CERKL: variants seen among roughly 807,000 people sequenced by gnomAD.
CERKL encodes ceramide kinase-like protein.
In CERKL, 61 loss-of-function variants were observed where a neutral mutation model predicts 63.4. That is an observed-to-expected ratio of 0.96 (90% CI 0.78 to 1.19). CERKL has a LOEUF of 1.19. Among genes scored for constraint, CERKL ranks in the 50% most tolerant of loss-of-function variants. The probability of loss-of-function intolerance (pLI) is 0.00; values close to 1 mark genes in which losing one functional copy is unlikely to be tolerated. For missense variants in CERKL, 675 were observed against 655.5 expected (o/e 1.03, Z -0.33); for synonymous variants, 250 against 230.5 (o/e 1.08, Z -0.77).
intron 1 of CERKL, among the ~76,000 whole-genome samples, chr2:181,642,810 GAT>G (rs1405686153): frequency 1.3e-5 from 2 of 152,114 alleles, no homozygotes; most frequent in Admixed American, 6.5e-5. Context: ...TCAGAAATTT[GAT>G]AGAGGATACA....
At chr2:181,646,587 G>C (rs1687682143) in intron 1 of CERKL, among the ~76,000 whole-genome samples, 1 of 152,206 alleles carries the variant, frequency 6.6e-6, no homozygotes, top group Non-Finnish European at 1.5e-5. Context: ...ATACTGACCA[G>C]AAAGCATGTA....
In CERKL at chr2:181,656,649, C is replaced by A. The variant is rs193063646; in HGVS notation, c.238+120G>T. On this transcript the variant is annotated intron_variant, in intron 1 of 12. Transcript: ENST00000410087. ...TAACCTGTCCGGGCAGTGAGGCGAG[C>A]ACGGGGAGGGGAGGCGAGAAAAGGG... is the stretch of plus-strand genomic sequence containing the variant. 7.2e-4 allele frequency: 633 copies of A among 873,820 alleles called. 1 individual carries two copies. Among genetic ancestry groups the A allele is most frequent in the Middle Eastern group, 5.8e-3 (16 of 2,778 alleles). The allele number at this position is 873,820 out of a possible 1,614,324, so 54.1% of individuals were successfully genotyped here. A position where few individuals can be genotyped will look rare whatever the true frequency, so the allele number is the denominator to read the frequency against.
chr2:181,599,656 C>A (rs1240711569), intron 2 of CERKL, among the ~76,000 whole-genome samples: 2 of 151,768 alleles, frequency 1.3e-5, no homozygotes, highest in Non-Finnish European at 2.9e-5. Context: ...GTTAGACAAA[C>A]ATAAAGAATC....
chr2:181,601,202 A>T (rs372497625), intron 2 of CERKL, among the ~76,000 whole-genome samples: 1 of 152,236 alleles, frequency 6.6e-6, no homozygotes, highest in East Asian at 1.9e-4. Flanking sequence ...TGAATACCAG[A>T]ACTACATGGA....
rs1687076235 is a variant in CERKL, at chr2:181,634,109, C to A, written c.238+22660G>T. On this transcript the variant is annotated intron_variant, in intron 1 of 12. Transcript: ENST00000410087. ...GTATTTTTAAAATAACATCCATAGA[C>A]AGCTTCGGTTTCTCTCTGAATTATG... Among the ~76,000 whole-genome samples the A allele has an allele frequency of 6.6e-5, 10 of 152,280 alleles. No individual in the cohort carries two copies. The South Asian group carries it at 2.1e-3, about 32-fold the overall frequency.
Position 181,558,417 on chromosome 2 carries a change from A to G in CERKL, c.820+149T>C, listed in dbSNP as rs35219762. ...GCTCAAAGAGATTAAATGACTTGTC[A>G]AAAGTCTCACATTTGCTAGTGGGGA... is the stretch of plus-strand genomic sequence containing the variant. On this transcript the variant is annotated intron_variant, in intron 5 of 12. Coordinates refer to ENST00000410087, the MANE Select transcript of CERKL (RefSeq NM_201548.5). The surrounding 1 kb of genome is among the most constrained non-coding windows in gnomAD (Gnocchi z 4.2). 10,070 of 809,646 alleles carry G rather than the reference A, an allele frequency of 0.012. 84 individuals are homozygous for G. Among genetic ancestry groups the G allele is most frequent in the Non-Finnish European group, 0.016 (7,872 of 478,008 alleles). The allele number at this position is 809,646 out of a possible 1,614,324, so 50.2% of individuals were successfully genotyped here. A position where few individuals can be genotyped will look rare whatever the true frequency, so the allele number is the denominator to read the frequency against.
intron 4 of CERKL, among the ~76,000 whole-genome samples, chr2:181,560,757 C>A (rs929414361): frequency 6.6e-6 from 1 of 151,966 alleles, no homozygotes; most frequent in African/African-American, 2.4e-5. Flanking sequence ...TATTAGATAC[C>A]TTTTCTATAT....
At chr2:181,599,518 C>CA (rs1685369626) in intron 2 of CERKL, among the ~76,000 whole-genome samples, 1 of 144,940 alleles carries the variant, frequency 6.9e-6, no homozygotes, top group Non-Finnish European at 1.5e-5. Flanking sequence ...GCCTAGGCAA[C>CA]AGAGTGAGAC....
chr2:181,631,846 G>A (rs1350786121), intron 1 of CERKL, among the ~76,000 whole-genome samples: 1 of 152,170 alleles, frequency 6.6e-6, no homozygotes, highest in Non-Finnish European at 1.5e-5. Flanking sequence ...AAGCTGGGCT[G>A]TCACATTTTG....
chr2:181,583,796 G>A (rs1444301760), intron 2 of CERKL, among the ~76,000 whole-genome samples: 1 of 152,148 alleles, frequency 6.6e-6, no homozygotes, highest in Non-Finnish European at 1.5e-5. Context: ...ATGTTGTAAT[G>A]TTACAGTTTA....
intron 1 of CERKL, among the ~76,000 whole-genome samples, chr2:181,640,198 T>C (rs992889433): frequency 2.2e-4 from 33 of 152,268 alleles, no homozygotes; most frequent in African/African-American, 7.5e-4. Context: ...AGTTTGCAAA[T>C]GGTTTAATGT....
chr2:181,576,531 G>A (rs77505409), intron 2 of CERKL, among the ~76,000 whole-genome samples: 291 of 152,280 alleles, frequency 1.9e-3, no homozygotes, highest in African/African-American at 6.5e-3. Flanking sequence ...GATCACCCTC[G>A]AGCCTTACAG....
At chr2:181,609,533 TAA>T (rs869037405) in intron 1 of CERKL, among the ~76,000 whole-genome samples, 44 of 70,226 alleles carry the variant, frequency 6.3e-4, no homozygotes, top group East Asian at 1.5e-3. Context: ...CTGTCTCTAC[TAA>T]AAAAAAAAAA....
chr2:181,566,104 G>T lies in CERKL; in HGVS notation c.631C>A (p.His211Asn), dbSNP rs1407307220. Residue 211 changes from histidine to asparagine, a missense_variant, in exon 4 of 13, where the codon CAC becomes AAC. Physicochemically the swap from His to Asn is moderately conservative, Grantham distance 68 (BLOSUM62 1). Coordinates refer to ENST00000410087, the MANE Select transcript of CERKL (RefSeq NM_201548.5). Reference sequence around the variant, plus strand: ...CATTCCTTAAGCAGTGACAGAGCGTGCCCTTCATATTCCATTACTATTAAA... The same window carrying T: ...CATTCCTTAAGCAGTGACAGAGCGTTCCCTTCATATTCCATTACTATTAAA... ...TDVTIMEYEG[H>N]ALSLLKECEL... 2 of 1,610,726 alleles carry T rather than the reference G, an allele frequency of 1.2e-6. No homozygotes were observed. Among genetic ancestry groups the T allele is most frequent in the Non-Finnish European group, 1.7e-6 (2 of 1,177,346 alleles).
At chr2:181,577,693 G>C (rs1004824121) in intron 2 of CERKL, among the ~76,000 whole-genome samples, 2 of 152,162 alleles carry the variant, frequency 1.3e-5, no homozygotes, top group African/African-American at 4.8e-5. Context: ...CAGAGACTTA[G>C]AGGCATGGGA....
chr2:181,601,430 G>T (rs189905177), intron 2 of CERKL, among the ~76,000 whole-genome samples: 1 of 151,990 alleles, frequency 6.6e-6, no homozygotes, highest in African/African-American at 2.4e-5. Context: ...GCGTAGTGGC[G>T]GGTGCCTGTA....
At chr2:181,650,851 A>C (rs1687901700) in intron 1 of CERKL, among the ~76,000 whole-genome samples, 2 of 152,252 alleles carry the variant, frequency 1.3e-5, no homozygotes, top group South Asian at 4.1e-4. Context: ...AGGAGAAATA[A>C]ATGAAATAGA....
chr2:181,549,818 C>T (rs549857271), intron 5 of CERKL, 110 bp from the exon 6 acceptor site: 91 of 782,256 alleles, frequency 1.2e-4, no homozygotes, highest in South Asian at 1.7e-4. Context: ...GAAAAATAAA[C>T]GAGAATTTAT....
intron 2 of CERKL, among the ~76,000 whole-genome samples, chr2:181,591,295 A>G (rs373895680): frequency 2.6e-5 from 4 of 152,286 alleles, no homozygotes; most frequent in South Asian, 2.1e-4. Context: ...AAGAGAGATG[A>G]GGTGGAAATG....
Sources: gnomAD v4.1 joint callset for allele counts (sites outside exome capture counted in the v4.1 genomes callset) on GRCh38, gnomAD v4.1.1 for gene constraint, Gnocchi (gnomAD v3.1) non-coding constraint, MANE v1.5 for transcripts, NCBI Gene and HGNC (gene_info 2026-07-23, HGNC 2026-07-21) for gene names.